TBC1D22A: variants seen among roughly 807,000 people sequenced by gnomAD.
The protein encoded by TBC1D22A is TBC1 domain family member 22A, also known as putative GTPase activator.
TBC1D22A carries 38 observed loss-of-function variants against 60.2 expected under a neutral mutation model. The observed-to-expected ratio is 0.63, with a 90% CI of 0.49 to 0.83. The LOEUF is 0.83. TBC1D22A is among the 40% of genes least tolerant of loss of function. TBC1D22A has a pLI of 0.00. For missense variants in TBC1D22A, 628 were observed against 701.0 expected (o/e 0.90, Z 1.18); for synonymous variants, 302 against 281.7 (o/e 1.07, Z -0.72).
At chr22:47,169,898 C>T (rs1257506187) in intron 12 of TBC1D22A, among the ~76,000 whole-genome samples, 2 of 152,228 alleles carry the variant, frequency 1.3e-5, no homozygotes, top group Non-Finnish European at 2.9e-5. Flanking sequence ...CCTCTCTCCA[C>T]CTGCCCTCCT....
chr22:47,165,170 G>A (rs1292278105), intron 12 of TBC1D22A, among the ~76,000 whole-genome samples: 3 of 152,090 alleles, frequency 2.0e-5, no homozygotes, highest in Non-Finnish European at 2.9e-5. Flanking sequence ...TGATTGCCAG[G>A]GCTCGTGATT....
intron 8 of TBC1D22A, among the ~76,000 whole-genome samples, chr22:46,951,774 G>C (rs1389970605): frequency 6.6e-6 from 1 of 152,240 alleles, no homozygotes; most frequent in African/African-American, 2.4e-5. Flanking sequence ...GCCGGAAGCA[G>C]AAGGCTCAAA....
At chr22:47,131,546 G>A (rs376604531) in intron 12 of TBC1D22A, among the ~76,000 whole-genome samples, 1 of 151,936 alleles carries the variant, frequency 6.6e-6, no homozygotes, top group East Asian at 1.9e-4. Flanking sequence ...GACTCCATGT[G>A]GGGGCAACAA....
chr22:46,795,043 C>T (rs1255355099), intron 3 of TBC1D22A, among the ~76,000 whole-genome samples: 1 of 152,228 alleles, frequency 6.6e-6, no homozygotes, highest in Non-Finnish European at 1.5e-5. Context: ...TTACAGCTCT[C>T]ATTAGTTGAG....
At chr22:46,884,694 T>C (rs1602307326) in intron 5 of TBC1D22A, among the ~76,000 whole-genome samples, 1 of 152,350 alleles carries the variant, frequency 6.6e-6, no homozygotes, top group Non-Finnish European at 1.5e-5. Flanking sequence ...AAACACATAG[T>C]TGTGTTCCCA....
chr22:46,899,942 G>T (rs553888779), intron 7 of TBC1D22A, among the ~76,000 whole-genome samples: 1 of 152,018 alleles, frequency 6.6e-6, no homozygotes, highest in Non-Finnish European at 1.5e-5. Flanking sequence ...GATTTCTGCC[G>T]TAAGCATCCC....
At chr22:47,065,368 A>G (rs1477927548) in intron 11 of TBC1D22A, among the ~76,000 whole-genome samples, 1 of 152,184 alleles carries the variant, frequency 6.6e-6, no homozygotes, top group Non-Finnish European at 1.5e-5. Context: ...GTTCCTCACT[A>G]ACATTAGTGA....
intron 10 of TBC1D22A, among the ~76,000 whole-genome samples, chr22:47,023,946 G>A (rs185626466): frequency 2.1e-4 from 32 of 152,312 alleles, no homozygotes; most frequent in Admixed American, 9.8e-4. Flanking sequence ...ATTGAAACAC[G>A]TTTTCTTGTT....
In TBC1D22A at chr22:46,762,667, C is replaced by G. The variant is rs1004470322; in HGVS notation, c.-120C>G. On this transcript the variant is annotated 5_prime_UTR_variant, in exon 1 of 13. Coordinates refer to ENST00000337137, the MANE Select transcript of TBC1D22A (RefSeq NM_014346.5). ...AAGGAGGCGGAAGAGCTTCTCGGCT[C>G]TAGGCTCTGGAGTCCCGGGAGCAGT... 3.9e-5 allele frequency: 33 copies of G among 842,018 alleles called. No individual in the cohort carries two copies. Among genetic ancestry groups the G allele is most frequent in the South Asian group, 2.8e-4 (11 of 39,320 alleles). 52.2% of individuals were successfully genotyped at this position (842,018 alleles called of 1,614,324 possible).
At chr22:47,032,179 C>T (rs922513384) in intron 10 of TBC1D22A, among the ~76,000 whole-genome samples, 11 of 152,176 alleles carry the variant, frequency 7.2e-5, no homozygotes, top group African/African-American at 1.7e-4. Flanking sequence ...GCGTGTGACT[C>T]TGTGGTGTGC....
chr22:46,934,567 C>T (rs1292505738), intron 8 of TBC1D22A, among the ~76,000 whole-genome samples: 1 of 152,212 alleles, frequency 6.6e-6, no homozygotes, highest in Non-Finnish European at 1.5e-5. Flanking sequence ...TTGGGGAAGA[C>T]TCTTCTTTTT....
At chr22:46,979,070 C>G (rs1232935824) in intron 9 of TBC1D22A, among the ~76,000 whole-genome samples, 1 of 152,174 alleles carries the variant, frequency 6.6e-6, no homozygotes, top group Non-Finnish European at 1.5e-5. Flanking sequence ...AGTTGGTGGC[C>G]TATCTTGCAC....
At chr22:46,873,377 T>C (rs779308366) in intron 4 of TBC1D22A, among the ~76,000 whole-genome samples, 35 of 152,140 alleles carry the variant, frequency 2.3e-4, no homozygotes, top group Non-Finnish European at 4.3e-4. Flanking sequence ...ATGGCTAAAA[T>C]AAAAAGACTG....
At chr22:46,773,357 G>A (rs2146729128) in intron 1 of TBC1D22A, among the ~76,000 whole-genome samples, 1 of 152,244 alleles carries the variant, frequency 6.6e-6, no homozygotes, top group East Asian at 1.9e-4. Context: ...TGCGGAGCAG[G>A]CTCAGAGCAG....
At position 46,814,452 on chromosome 22, in the gene TBC1D22A, G is replaced by C. The variant is rs1286357126; in HGVS notation, c.637+16832G>C. On this transcript the variant is annotated intron_variant, in intron 4 of 12. Transcript: ENST00000337137. ...CCACTGGGCACAGGCTCTCCTGCCT[G>C]CTGTGCAACCTGCCAAGACCAGTCT... is the stretch of plus-strand genomic sequence containing the variant. 2.6e-5 allele frequency among the ~76,000 whole-genome samples: 4 copies of C among 152,250 alleles called. No homozygotes were observed. In the East Asian group the frequency reaches 5.8e-4, roughly 22 times the overall value.
intron 12 of TBC1D22A, among the ~76,000 whole-genome samples, chr22:47,149,476 C>G (rs1001244145): frequency 6.6e-6 from 1 of 152,280 alleles, no homozygotes; most frequent in Admixed American, 6.5e-5. Flanking sequence ...GCCACCCCCA[C>G]GGCCACAGGC....
chr22:47,127,254 G>A (rs540722785), intron 12 of TBC1D22A, among the ~76,000 whole-genome samples: 4 of 130,274 alleles, frequency 3.1e-5, no homozygotes, highest in Non-Finnish European at 4.7e-5. Context: ...TTGAGACAGA[G>A]TCTTGCTCTG....
chr22:46,788,350 A>T (rs2084256250), intron 1 of TBC1D22A, among the ~76,000 whole-genome samples: 1 of 152,162 alleles, frequency 6.6e-6, no homozygotes, highest in Non-Finnish European at 1.5e-5. Flanking sequence ...ACACATTGAG[A>T]GTTTAAAATA....
At chr22:47,097,673 T>C (rs1167007600) in intron 11 of TBC1D22A, among the ~76,000 whole-genome samples, 1 of 152,198 alleles carries the variant, frequency 6.6e-6, no homozygotes, top group African/African-American at 2.4e-5. Context: ...GGAAGATAAT[T>C]GACATCTTTT....
Sources: gnomAD v4.1 joint callset for allele counts (sites outside exome capture counted in the v4.1 genomes callset) on GRCh38, gnomAD v4.1.1 for gene constraint, MANE v1.5 for transcripts, NCBI Gene and HGNC (gene_info 2026-07-23, HGNC 2026-07-21) for gene names.